ARFGEF1: variants seen among roughly 807,000 people sequenced by gnomAD.
ARFGEF1 encodes the protein ARF guanine nucleotide exchange factor 1, also known as brefeldin A-inhibited guanine nucleotide-exchange protein 1.
Under a neutral mutation model 231.0 loss-of-function variants are expected in ARFGEF1, and 42 were observed. That is an observed-to-expected ratio of 0.18 (90% CI 0.14 to 0.24). The LOEUF (loss-of-function observed/expected upper bound fraction) is 0.24, where lower values mean the gene tolerates loss of function less well. Among genes scored for constraint, ARFGEF1 ranks in the 10% least tolerant of loss-of-function variants. The pLI, the probability that ARFGEF1 is intolerant of heterozygous loss-of-function variation, is 1.00. For synonymous variants in ARFGEF1, 710 were observed against 732.3 expected (o/e 0.97, Z 0.49); for missense variants, 1,345 against 2,192.0 (o/e 0.61, Z 7.72).
intron 3 of ARFGEF1, among the ~76,000 whole-genome samples, chr8:67,300,771 G>C (rs944382027): frequency 4.0e-5 from 6 of 151,660 alleles, no homozygotes; most frequent in Admixed American, 1.3e-4. Flanking sequence ...TTGAACACAG[G>C]GGGCAGAGGT....
intron 32 of ARFGEF1, 67 bp from the exon 33 acceptor site, chr8:67,216,729 G>C (rs1838948742): frequency 8.1e-7 from 1 of 1,239,412 alleles, no homozygotes; most frequent in African/African-American, 1.6e-5. Flanking sequence ...AGCATATTTT[G>C]AAATGGGCCC....
At chr8:67,335,918 T>C (rs1479797078) in intron 1 of ARFGEF1, among the ~76,000 whole-genome samples, 1 of 152,084 alleles carries the variant, frequency 6.6e-6, no homozygotes, top group African/African-American at 2.4e-5. Flanking sequence ...CCCGGCTAAC[T>C]TTTTGTATTT....
chr8:67,175,318 G>T (rs1343163070), downstream of ARFGEF1: 1 of 1,612,482 alleles, frequency 6.2e-7, no homozygotes. Context: ...GAGTTGATCT[G>T]AAATTTATGT....
chr8:67,181,210 T>A lies in ARFGEF1; in HGVS notation c.561-5638A>T, dbSNP rs1832939718. ...CACCACGATACCTGGTTATCTTTTTTATTTTTTTGTAGAGATGAGGTCTCC... is the reference window on the plus strand; with the variant it reads ...CACCACGATACCTGGTTATCTTTTTAATTTTTTTGTAGAGATGAGGTCTCC... On this transcript the variant is annotated intron_variant, in intron 5 of 5. Transcript: ENST00000518789. Among the ~76,000 whole-genome samples, 4 of 151,914 alleles carry A rather than the reference T, an allele frequency of 2.6e-5. No homozygotes were observed. In the South Asian group the frequency reaches 8.3e-4, roughly 32 times the overall value.
intron 19 of ARFGEF1, among the ~76,000 whole-genome samples, chr8:67,247,748 C>T (rs929082142): frequency 6.7e-6 from 1 of 150,286 alleles, no homozygotes; most frequent in Non-Finnish European, 1.5e-5. Context: ...AAAAGACATC[C>T]GAACTTGAAA....
At chr8:67,333,466 C>T (rs1407215184) in intron 1 of ARFGEF1, among the ~76,000 whole-genome samples, 1 of 151,846 alleles carries the variant, frequency 6.6e-6, no homozygotes, top group Non-Finnish European at 1.5e-5. Context: ...ACCACCACAC[C>T]CAGTAATTTT....
chr8:67,198,715 C>T lies in ARFGEF1; in HGVS notation c.*219G>A. The T allele has an allele frequency of 1.5e-6, 2 of 1,305,422 alleles. No individual in the cohort carries two copies. Among genetic ancestry groups the T allele is most frequent in the Non-Finnish European group, 9.7e-7 (1 of 1,027,740 alleles). 80.9% of individuals were successfully genotyped at this position (1,305,422 alleles called of 1,614,324 possible). The stretch of plus-strand genomic sequence containing the variant: ...TGAGCATGAGCTGACACTGTTTAAA[C>T]AGGCTTTCTGCTCAACATGAGGCCA... On this transcript the variant is annotated 3_prime_UTR_variant, in exon 39 of 39. Transcript: ENST00000262215.
chr8:67,183,030 A>G (rs1315552178), intron 5 of ARFGEF1, among the ~76,000 whole-genome samples: 1 of 152,210 alleles, frequency 6.6e-6, no homozygotes, highest in Admixed American at 6.5e-5. Flanking sequence ...TTGGTGTCAC[A>G]TCTAAGACAT....
intron 37 of ARFGEF1, 137 bp from the exon 38 acceptor site, chr8:67,200,650 C>A (rs1461737232): frequency 3.2e-6 from 2 of 624,244 alleles, no homozygotes; most frequent in Non-Finnish European, 5.7e-6. Context: ...TTTACATTAG[C>A]TGGAGTGTCA....
chr8:67,179,943 T>C (rs1200621586), intron 5 of ARFGEF1: 2 of 1,367,086 alleles, frequency 1.5e-6, no homozygotes, highest in Non-Finnish European at 2.1e-6. Context: ...ATATTTATTT[T>C]ATTAAGGCTA....
intron 25 of ARFGEF1, 68 bp downstream of exon 25, chr8:67,227,895 G>GA: frequency 7.7e-7 from 1 of 1,294,400 alleles, no homozygotes; most frequent in South Asian, 1.8e-5. Context: ...GGCTCAATTT[G>GA]ATTACAAGGA....
chr8:67,322,920 A>G (rs1465319422), intron 1 of ARFGEF1, among the ~76,000 whole-genome samples: 1 of 152,232 alleles, frequency 6.6e-6, no homozygotes, highest in African/African-American at 2.4e-5. Context: ...CATCAGGCTT[A>G]GAATAAAATC....
Position 67,343,198 on chromosome 8 carries a change from G to T in ARFGEF1, c.90C>A (p.His30Gln). The T allele has an allele frequency of 6.2e-7, 1 of 1,613,228 alleles. No individual in the cohort carries two copies. Among genetic ancestry groups the T allele is most frequent in the Non-Finnish European group, 8.5e-7 (1 of 1,179,558 alleles). Residue 30 changes from histidine (H) to glutamine (Q), a missense_variant, in exon 1 of 39, where the codon CAC becomes CAA. His to Gln is a conservative substitution (Grantham distance 24). Around this residue, in one of 14 missense-constraint regions of ARFGEF1, gnomAD observed 398 missense variants for 463.2 expected, o/e 0.86. Coordinates refer to ENST00000262215, the MANE Select transcript of ARFGEF1 (RefSeq NM_006421.5). ...CCTCGCAAGCTTTGCGCAGCTGGGA[G>T]TGATGCGCCTTCTTCACTTCCTTGT... ...LADKEVKKAH[H>Q]SQLRKACEVA...
intron 8 of ARFGEF1, among the ~76,000 whole-genome samples, chr8:67,276,666 C>A (rs1805326330): frequency 6.6e-6 from 1 of 152,126 alleles, no homozygotes; most frequent in African/African-American, 2.4e-5. Context: ...GTACTGATTT[C>A]TTTGCAGCCC....
Position 67,267,123 on chromosome 8 carries a change from C to T in ARFGEF1, c.1780G>A (p.Gly594Ser), listed in dbSNP as rs747756594. ...TTACTCATACCAAGTTCTTGACTGCCCCTTCCTTGAGCAATTTTTGATAGA... is the reference window on the plus strand; with the variant it reads ...TTACTCATACCAAGTTCTTGACTGCTCCTTCCTTGAGCAATTTTTGATAGA... ...NDLSKIAQGR[G>S]SQELGMSNVQ... Residue 594 changes from glycine to serine, a missense_variant, in exon 12 of 39, where the codon GGC (glycine) becomes AGC (serine). By Grantham distance (56) the Gly-to-Ser change is moderately conservative. Coordinates refer to ENST00000262215, the MANE Select transcript of ARFGEF1 (RefSeq NM_006421.5). The T allele has an allele frequency of 1.9e-6, 3 of 1,612,964 alleles. No individual in the cohort carries two copies.
At chr8:67,258,899 C>G (rs1245863204) in intron 15 of ARFGEF1, among the ~76,000 whole-genome samples, 1 of 151,500 alleles carries the variant, frequency 6.6e-6, no homozygotes, top group Non-Finnish European at 1.5e-5. Flanking sequence ...CAGGACCCTG[C>G]ATGGACACCA....
chr8:67,218,182 T>C (rs375666608), intron 30 of ARFGEF1, 44 bp from the exon 31 acceptor site: 18 of 809,842 alleles, frequency 2.2e-5, no homozygotes, highest in Middle Eastern at 6.8e-4. Flanking sequence ...ATTAATCAAC[T>C]ACTATGATTA....
At chr8:67,193,506 A>C, downstream of ARFGEF1, 1 of 1,613,460 alleles carries the variant, frequency 6.2e-7, no homozygotes, top group Non-Finnish European at 8.5e-7. Context: ...TCTCTCTCTA[A>C]AATCTATATC....
chr8:67,333,569 C>A (rs1174725510), intron 1 of ARFGEF1, among the ~76,000 whole-genome samples: 1 of 151,970 alleles, frequency 6.6e-6, no homozygotes, highest in African/African-American at 2.4e-5. Context: ...CTGTCTTGGC[C>A]TCTTTAAGTG....
Sources: allele counts gnomAD v4.1 joint callset (sites outside exome capture counted in the v4.1 genomes callset), GRCh38; gene constraint gnomAD v4.1.1; regional missense constraint gnomAD v4.1.1; transcripts MANE v1.5; gene names NCBI Gene and HGNC (gene_info 2026-07-23, HGNC 2026-07-21).